ADGRB3: variants seen among roughly 807,000 people sequenced by gnomAD.
ADGRB3 encodes brain-specific angiogenesis inhibitor 3.
In ADGRB3, 37 loss-of-function variants were observed where a neutral mutation model predicts 193.4. The ratio of observed to expected loss-of-function variants is 0.19; its 90% CI spans 0.15 to 0.25. The LOEUF (loss-of-function observed/expected upper bound fraction) is 0.25, where lower values mean the gene tolerates loss of function less well. Ranked by LOEUF, ADGRB3 falls within the 10% of genes least tolerant of loss-of-function variation. ADGRB3 has a pLI of 1.00. For missense variants in ADGRB3, 1,637 were observed against 1,852.9 expected (o/e 0.88, Z 2.14); for synonymous variants, 690 against 644.2 (o/e 1.07, Z -1.08).
intron 3 of ADGRB3, among the ~76,000 whole-genome samples, chr6:68,762,966 C>A (rs1414362132): frequency 1.3e-5 from 2 of 152,286 alleles, no homozygotes; most frequent in East Asian, 3.9e-4. Flanking sequence ...TAGCCTGACT[C>A]CATACATTCA....
At chr6:69,267,771 C>T (rs936896278) in intron 20 of ADGRB3, among the ~76,000 whole-genome samples, 5 of 152,006 alleles carry the variant, frequency 3.3e-5, no homozygotes, top group South Asian at 2.1e-4. Context: ...ATTACATTAC[C>T]CTGCCAAGTG....
intron 8 of ADGRB3, among the ~76,000 whole-genome samples, chr6:68,972,363 C>A (rs2150264230): frequency 6.6e-6 from 1 of 152,258 alleles, no homozygotes; most frequent in Non-Finnish European, 1.5e-5. Flanking sequence ...GCTCTCCTGC[C>A]CCATTTAACA....
rs1008098966 is a variant in ADGRB3 at position 69,297,097 on chromosome 6, G to A, written c.2815-27775G>A. ...AGCCTAACTGATGCACAACTGCATC[G>A]ATAATGGAAACTGCATAAGAGTTTG... On this transcript the variant is annotated intron_variant, in intron 20 of 31. Coordinates refer to ENST00000370598, the MANE Select transcript of ADGRB3 (RefSeq NM_001704.3). Among the ~76,000 whole-genome samples, 4 of 152,026 alleles carry A rather than the reference G, an allele frequency of 2.6e-5. No individual in the cohort carries two copies. The East Asian group carries it at 5.8e-4, about 22-fold the overall frequency.
chr6:68,647,676 G>T (rs991857671), intron 3 of ADGRB3, among the ~76,000 whole-genome samples: 5 of 152,120 alleles, frequency 3.3e-5, no homozygotes, highest in African/African-American at 1.2e-4. Context: ...TCCTGGGCCT[G>T]GAAAGCTGTC....
chr6:69,364,455 T>C (rs917582992), intron 29 of ADGRB3, among the ~76,000 whole-genome samples: 3 of 152,068 alleles, frequency 2.0e-5, no homozygotes, highest in African/African-American at 7.2e-5. Flanking sequence ...CATGGGAGTT[T>C]GTTCAGCTAA....
intron 20 of ADGRB3, among the ~76,000 whole-genome samples, chr6:69,276,780 C>A (rs972866965): frequency 1.3e-5 from 2 of 151,958 alleles, no homozygotes; most frequent in African/African-American, 4.8e-5. Flanking sequence ...GGAGCATGCT[C>A]CTTTATAGTA....
intron 10 of ADGRB3, among the ~76,000 whole-genome samples, chr6:68,991,770 T>C (rs1408323416): frequency 6.6e-6 from 1 of 152,164 alleles, no homozygotes; most frequent in Non-Finnish European, 1.5e-5. Context: ...CTGCTAATTA[T>C]CTTAGGCTTG....
At chr6:69,193,419 A>G (rs1358450396) in intron 17 of ADGRB3, among the ~76,000 whole-genome samples, 1 of 152,102 alleles carries the variant, frequency 6.6e-6, no homozygotes, top group African/African-American at 2.4e-5. Flanking sequence ...GGGAAATAAT[A>G]TCTGTTAGTG....
intron 17 of ADGRB3, among the ~76,000 whole-genome samples, chr6:69,098,769 A>G (rs1201363342): frequency 6.6e-6 from 1 of 152,224 alleles, no homozygotes; most frequent in African/African-American, 2.4e-5. Flanking sequence ...ACACTGTATT[A>G]TTAACACCAG....
At chr6:69,106,291 G>C (rs1773214355) in intron 17 of ADGRB3, among the ~76,000 whole-genome samples, 1 of 151,394 alleles carries the variant, frequency 6.6e-6, no homozygotes, top group Admixed American at 6.6e-5. Flanking sequence ...CTAGTATTTG[G>C]CTAAGGCATG....
intron 17 of ADGRB3, among the ~76,000 whole-genome samples, chr6:69,228,606 C>T (rs916192151): frequency 6.6e-5 from 10 of 152,182 alleles, no homozygotes; most frequent in African/African-American, 2.4e-4. Context: ...TGGATGACAA[C>T]TGTCCTTTCT....
intron 6 of ADGRB3, among the ~76,000 whole-genome samples, chr6:68,951,730 G>A (rs1301721131): frequency 6.6e-6 from 1 of 152,154 alleles, no homozygotes; most frequent in Non-Finnish European, 1.5e-5. Context: ...AAGCTTTGAG[G>A]TATTTTTAAA....
chr6:69,191,009 C>T (rs1365620884), intron 17 of ADGRB3, among the ~76,000 whole-genome samples: 2 of 152,166 alleles, frequency 1.3e-5, no homozygotes, highest in East Asian at 3.8e-4. Context: ...ATATAATTCT[C>T]AGAACATATC....
intron 11 of ADGRB3, 92 bp downstream of exon 11, chr6:68,994,054 C>A: frequency 7.9e-7 from 1 of 1,263,786 alleles, no homozygotes; most frequent in East Asian, 2.3e-5. Flanking sequence ...TGGAGGCGGA[C>A]TGGAGGAAGA....
chr6:68,731,354 A>G (rs1038537892), intron 3 of ADGRB3, among the ~76,000 whole-genome samples: 3 of 151,664 alleles, frequency 2.0e-5, no homozygotes, highest in African/African-American at 7.2e-5. Flanking sequence ...TACAAAAAAA[A>G]TACATTGTAA....
At chr6:69,153,983 AC>A (rs996027692) in intron 17 of ADGRB3, among the ~76,000 whole-genome samples, 1 of 151,988 alleles carries the variant, frequency 6.6e-6, no homozygotes, top group Non-Finnish European at 1.5e-5. Flanking sequence ...ACAGAGTGAG[AC>A]TCTGTCTCAA....
At chr6:69,109,946 AT>A (rs33959992) in intron 17 of ADGRB3, among the ~76,000 whole-genome samples, 20,030 of 129,416 alleles carry the variant, frequency 0.15, 1,136 homozygotes, top group African/African-American at 0.17. Context: ...GCCTTCTTTA[AT>A]TTTTTTTTTT....
intron 3 of ADGRB3, among the ~76,000 whole-genome samples, chr6:68,681,910 C>T (rs1433872253): frequency 6.6e-6 from 1 of 152,118 alleles, no homozygotes; most frequent in African/African-American, 2.4e-5. Context: ...AAAGTGTTGG[C>T]TCTAGTTGAG....
chr6:69,276,248 T>C (rs1249484177), intron 20 of ADGRB3, among the ~76,000 whole-genome samples: 3 of 152,164 alleles, frequency 2.0e-5, no homozygotes, highest in Admixed American at 6.5e-5. Context: ...CATCAGGAAG[T>C]AGGAAATTTG....
Sources: gnomAD v4.1 joint callset for allele counts (sites outside exome capture counted in the v4.1 genomes callset) on GRCh38, gnomAD v4.1.1 for gene constraint, MANE v1.5 for transcripts, NCBI Gene and HGNC (gene_info 2026-07-23, HGNC 2026-07-21) for gene names.